Variants in RIMKLB observed in about 807,000 individuals in gnomAD.
RIMKLB encodes the protein beta-citrylglutamate synthase B.
A neutral mutation model predicts 32.0 loss-of-function variants in RIMKLB; 7 were observed. The ratio of observed to expected loss-of-function variants is 0.22; its 90% CI spans 0.12 to 0.41. The LOEUF is 0.41. Ranked by LOEUF, RIMKLB falls within the 10% of genes least tolerant of loss-of-function variation. RIMKLB has a pLI of 1.00. For missense variants in RIMKLB, 289 were observed against 498.7 expected (o/e 0.58, Z 4.00); for synonymous variants, 172 against 185.1 (o/e 0.93, Z 0.57).
In RIMKLB at chr12:8,698,223, C is replaced by G; in HGVS notation, c.-131C>G. 2.7e-6 allele frequency: 1 copy of G among 371,334 alleles called. No individual in the cohort carries two copies. The highest frequency in any genetic ancestry group is 5.5e-6 in the Non-Finnish European group (1 of 182,464). The allele number at this position is 371,334 out of a possible 1,614,324, so 23.0% of individuals were successfully genotyped here. A position where few individuals can be genotyped will look rare whatever the true frequency, so the allele number is the denominator to read the frequency against. ...TCTCCTTCCCCCACTTCCAGCCGCC[C>G]GGCGGCCCGCGCTTCCTCGAAGGCC... On this transcript the variant is annotated 5_prime_UTR_variant, in exon 1 of 6. Coordinates refer to ENST00000535829, the MANE Select transcript of RIMKLB (RefSeq NM_001297776.2).
chr12:8,711,093 G>A (rs949014016), intron 1 of RIMKLB, among the ~76,000 whole-genome samples: 11 of 152,100 alleles, frequency 7.2e-5, no homozygotes, highest in African/African-American at 2.7e-4. Flanking sequence ...AATTAGCTGG[G>A]CATGGTGGTG....
chr12:8,685,445 T>C (rs770997269), intron 1 of RIMKLB, among the ~76,000 whole-genome samples: 2 of 152,238 alleles, frequency 1.3e-5, no homozygotes, highest in Non-Finnish European at 2.9e-5. Flanking sequence ...TCTATTGGTA[T>C]GATCATGTGA....
At chr12:8,704,999 C>CACACACACACACACACACAAAAAAA (rs35908223) in intron 1 of RIMKLB, among the ~76,000 whole-genome samples, 4 of 151,540 alleles carry the variant, frequency 2.6e-5, no homozygotes, top group African/African-American at 9.7e-5. Context: ...CACACACACA[C>CACACACACACACACACACAAAAAAA]AAAACCCCAA....
At position 8,730,638 on chromosome 12, in the gene RIMKLB, G is replaced by A. The variant is rs114954591; in HGVS notation, c.175+16597G>A. ...CCAATTTTACGTAGGGAATTGGGCT[G>A]CCTAAAGTCTTCTAGATCAAGACAA... is the stretch of plus-strand genomic sequence containing the variant. On this transcript the variant is annotated intron_variant, in intron 2 of 5. Transcript: ENST00000535829. Among the ~76,000 whole-genome samples the A allele has an allele frequency of 2.3e-3, 356 of 152,344 alleles. 4 individuals are homozygous for A. Among genetic ancestry groups the A allele is most frequent in the African/African-American group, 8.3e-3 (344 of 41,582 alleles).
At chr12:8,777,648 CTT>C (rs1335371036), downstream of RIMKLB, 1 of 1,288,902 alleles carries the variant, frequency 7.8e-7, no homozygotes, top group Non-Finnish European at 1.0e-6. Context: ...AGAGAAAAAA[CTT>C]TCCTTCTTCC....
chr12:8,699,372 A>G (rs1943184239), intron 1 of RIMKLB, among the ~76,000 whole-genome samples: 1 of 152,178 alleles, frequency 6.6e-6, no homozygotes, highest in Non-Finnish European at 1.5e-5. Flanking sequence ...TACTTTCACA[A>G]TATTGGGTAC....
intron 2 of RIMKLB, among the ~76,000 whole-genome samples, chr12:8,740,259 A>G (rs765979562): frequency 2.0e-5 from 3 of 152,236 alleles, no homozygotes; most frequent in African/African-American, 7.2e-5. Flanking sequence ...AATAATACCA[A>G]CATGGTGAAT....
intron 1 of RIMKLB, among the ~76,000 whole-genome samples, chr12:8,707,478 A>G (rs1226348210): frequency 2.6e-5 from 4 of 152,224 alleles, no homozygotes; most frequent in African/African-American, 4.8e-5. Context: ...AGGATCTGCT[A>G]CGTGTTCAGC....
chr12:8,729,973 T>C (rs1294128313), intron 2 of RIMKLB, among the ~76,000 whole-genome samples: 1 of 152,250 alleles, frequency 6.6e-6, no homozygotes, highest in Non-Finnish European at 1.5e-5. Flanking sequence ...TGGCTATTTG[T>C]ATATCTTTGG....
chr12:8,779,962 T>G (rs1252708179), downstream of RIMKLB: 2 of 152,160 alleles, frequency 1.3e-5, no homozygotes, highest in African/African-American at 4.8e-5. Context: ...ACTTAATGAA[T>G]TTATTACTCT....
At chr12:8,755,446 A>C (rs926040610) in intron 5 of RIMKLB, among the ~76,000 whole-genome samples, 2 of 152,114 alleles carry the variant, frequency 1.3e-5, no homozygotes, top group African/African-American at 4.8e-5. Context: ...ATTTAGACCC[A>C]AATCCTTAGA....
intron 2 of RIMKLB, among the ~76,000 whole-genome samples, chr12:8,740,262 T>C (rs1947379335): frequency 6.6e-6 from 1 of 152,250 alleles, no homozygotes; most frequent in Non-Finnish European, 1.5e-5. Context: ...AATACCAACA[T>C]GGTGAATAAC....
chr12:8,694,301 C>T (rs914956074), upstream of RIMKLB, among the ~76,000 whole-genome samples: 2 of 151,758 alleles, frequency 1.3e-5, no homozygotes, highest in Non-Finnish European at 2.9e-5. Flanking sequence ...TGGTCTTGGA[C>T]TCGTGTATTC....
intron 1 of RIMKLB, among the ~76,000 whole-genome samples, chr12:8,682,801 A>G (rs1242996423): frequency 5.2e-5 from 1 of 19,294 alleles, no homozygotes; most frequent in Non-Finnish European, 1.0e-4. Flanking sequence ...AAATAAATAA[A>G]TTAAAAAAAA....
chr12:8,698,704 C>G (rs1181566699), intron 1 of RIMKLB, among the ~76,000 whole-genome samples: 1 of 141,026 alleles, frequency 7.1e-6, no homozygotes, highest in African/African-American at 2.7e-5. Context: ...GCGACACTCC[C>G]CCTCCCCCCC....
chr12:8,694,393 TTTC>T (rs1322557618), upstream of RIMKLB, among the ~76,000 whole-genome samples: 208 of 139,090 alleles, frequency 1.5e-3, 8 homozygotes, highest in African/African-American at 5.5e-3. Context: ...TTGAATTTTT[TTTC>T]TTTTTTTTTT....
intron 2 of RIMKLB, among the ~76,000 whole-genome samples, chr12:8,732,769 A>C (rs1331045557): frequency 6.6e-6 from 1 of 151,574 alleles, no homozygotes; most frequent in Non-Finnish European, 1.5e-5. Context: ...ACACACACAC[A>C]CACACACACA....
chr12:8,755,654 T>A (rs1161000812), intron 5 of RIMKLB, among the ~76,000 whole-genome samples: 11 of 152,118 alleles, frequency 7.2e-5, no homozygotes, highest in Admixed American at 7.2e-4. Context: ...AATCTCTTCC[T>A]AACACCGCAG....
chr12:8,676,589 G>A, the RIMKLB span, among the ~76,000 whole-genome samples: 14 of 151,520 alleles, frequency 9.2e-5, no homozygotes, highest in Non-Finnish European at 1.8e-4. Context: ...AGTAGACACG[G>A]GGTTTCACCA....
Sources: allele counts gnomAD v4.1 joint callset (sites outside exome capture counted in the v4.1 genomes callset), GRCh38; gene constraint gnomAD v4.1.1; transcripts MANE v1.5; gene names NCBI Gene and HGNC (gene_info 2026-07-23, HGNC 2026-07-21).